The following CDH12 variants were observed in gnomAD, a reference collection of about 807,000 sequenced individuals.
CDH12 encodes the protein cadherin 12.
Under a neutral mutation model 74.1 loss-of-function variants are expected in CDH12, and 41 were observed. That is an observed-to-expected ratio of 0.55 (90% CI 0.43 to 0.72). The LOEUF (loss-of-function observed/expected upper bound fraction) is 0.72, where lower values mean the gene tolerates loss of function less well. CDH12 is among the 30% of genes least tolerant of loss of function. CDH12 has a pLI of 0.00. For synonymous variants in CDH12, 399 were observed against 355.0 expected (o/e 1.12, Z -1.39); for missense variants, 945 against 977.2 (o/e 0.97, Z 0.44).
chr5:22,788,458 A>G (rs967474865), intron 1 of CDH12, among the ~76,000 whole-genome samples: 1 of 151,082 alleles, frequency 6.6e-6, no homozygotes, highest in African/African-American at 2.4e-5. Context: ...AAAGATTATC[A>G]TTATTATAAT....
At chr5:22,543,414 A>G (rs1391661801) in intron 1 of CDH12, among the ~76,000 whole-genome samples, 1 of 152,124 alleles carries the variant, frequency 6.6e-6, no homozygotes, top group East Asian at 1.9e-4. Context: ...AACCTGGTGA[A>G]CTCAGATTTA....
chr5:21,842,422 G>T, intron 7 of CDH12, 94 bp from the exon 8 acceptor site: 1 of 848,404 alleles, frequency 1.2e-6, no homozygotes, highest in Non-Finnish European at 1.8e-6. Flanking sequence ...ATTCTACCTA[G>T]AATCACTAAC....
chr5:22,026,359 T>C (rs1360493344), intron 5 of CDH12, among the ~76,000 whole-genome samples: 1 of 152,088 alleles, frequency 6.6e-6, no homozygotes, highest in African/African-American at 2.4e-5. Context: ...AAAAAGAAAT[T>C]GGCCACAACT....
At chr5:22,766,375 C>T (rs1323659351) in intron 1 of CDH12, among the ~76,000 whole-genome samples, 4 of 151,912 alleles carry the variant, frequency 2.6e-5, no homozygotes, top group Non-Finnish European at 5.9e-5. Context: ...TAAATAAGTA[C>T]CTCAATATAA....
intron 1 of CDH12, among the ~76,000 whole-genome samples, chr5:22,660,978 A>G (rs975879448): frequency 6.6e-6 from 1 of 152,192 alleles, no homozygotes; most frequent in Non-Finnish European, 1.5e-5. Flanking sequence ...AGTTTTCATT[A>G]GATTAAGGAC....
At chr5:21,969,773 C>A (rs976124917) in intron 6 of CDH12, among the ~76,000 whole-genome samples, 25 of 152,052 alleles carry the variant, frequency 1.6e-4, no homozygotes, top group African/African-American at 6.0e-4. Context: ...TTATATACAA[C>A]CTTTATCAAA....
intron 1 of CDH12, among the ~76,000 whole-genome samples, chr5:22,825,957 T>G (rs974332084): frequency 1.3e-5 from 2 of 152,178 alleles, no homozygotes; most frequent in Non-Finnish European, 2.9e-5. Flanking sequence ...CACTAATTGA[T>G]GAATTAGTGG....
intron 6 of CDH12, among the ~76,000 whole-genome samples, chr5:21,959,632 G>A (rs576795322): frequency 1.1e-4 from 17 of 151,816 alleles, no homozygotes; most frequent in South Asian, 8.3e-4. Context: ...AGAAGGGGCC[G>A]GGAGTGGTGG....
intron 2 of CDH12, among the ~76,000 whole-genome samples, chr5:22,434,694 C>A (rs372189823): frequency 9.1e-4 from 139 of 152,196 alleles, no homozygotes; most frequent in African/African-American, 3.3e-3. Flanking sequence ...ATTATGTAAT[C>A]TTTTTCACAC....
chr5:22,425,859 T>A (rs964757843), intron 2 of CDH12, among the ~76,000 whole-genome samples: 20 of 151,998 alleles, frequency 1.3e-4, no homozygotes, highest in African/African-American at 4.4e-4. Flanking sequence ...CAGACACAGG[T>A]TCACATGTTC....
At chr5:22,472,644 A>G (rs2126608187) in intron 2 of CDH12, among the ~76,000 whole-genome samples, 1 of 152,128 alleles carries the variant, frequency 6.6e-6, no homozygotes, top group African/African-American at 2.4e-5. Flanking sequence ...AATCTATTAT[A>G]CTGTGGAATT....
At chr5:22,434,235 G>T (rs1744286533) in intron 2 of CDH12, among the ~76,000 whole-genome samples, 1 of 152,100 alleles carries the variant, frequency 6.6e-6, no homozygotes, top group African/African-American at 2.4e-5. Flanking sequence ...GGAGAATGGA[G>T]AAAAGGAAAA....
chr5:21,953,930 C>G (rs1408795720), intron 6 of CDH12, among the ~76,000 whole-genome samples: 1 of 152,034 alleles, frequency 6.6e-6, no homozygotes, highest in Non-Finnish European at 1.5e-5. Flanking sequence ...CAGACTATAT[C>G]TATGAAAAAA....
intron 1 of CDH12, among the ~76,000 whole-genome samples, chr5:22,669,291 G>GA (rs1274759570): frequency 6.6e-6 from 1 of 152,090 alleles, no homozygotes; most frequent in Non-Finnish European, 1.5e-5. Context: ...GAAGCTGAAG[G>GA]AAACACTAAC....
intron 3 of CDH12, among the ~76,000 whole-genome samples, chr5:22,223,977 G>C (rs1022025496): frequency 1.3e-5 from 2 of 152,008 alleles, no homozygotes; most frequent in Admixed American, 6.6e-5. Flanking sequence ...TTCCAGAAGA[G>C]AGGCAGGTAG....
intron 1 of CDH12, among the ~76,000 whole-genome samples, chr5:22,536,786 G>T (rs1466690639): frequency 1.3e-5 from 2 of 152,098 alleles, no homozygotes; most frequent in African/African-American, 2.4e-5. Flanking sequence ...TATTTATATT[G>T]CAGGTTAATT....
chr5:21,990,474 T>C (rs1560999812), intron 5 of CDH12, among the ~76,000 whole-genome samples: 2 of 151,994 alleles, frequency 1.3e-5, no homozygotes, highest in African/African-American at 2.4e-5. Flanking sequence ...TAGACTATAA[T>C]ATTTATATCA....
Position 21,751,942 on chromosome 5 carries a change from TC to T in CDH12, c.2179del (p.Asp727IlefsTer28). The T allele has an allele frequency of 1.2e-6, 2 of 1,614,026 alleles. No homozygotes were observed. The highest frequency in any genetic ancestry group is 1.7e-6 in the Non-Finnish European group (2 of 1,179,988). On this transcript the variant is annotated frameshift_variant, in exon 15 of 15. Coordinates refer to ENST00000382254, the MANE Select transcript of CDH12 (RefSeq NM_004061.5). LOFTEE classifies it high-confidence loss of function. ...TGAATCGTATGGTGGGGCAGTTGGA[TC>T]CACATCATTTTCCTGTAGCCTTTGA... ...IHQRLQENDV[D>X]PTAPPYDSLA...
At chr5:21,765,541 C>CAAAA (rs200367776) in intron 11 of CDH12, among the ~76,000 whole-genome samples, 2 of 83,880 alleles carry the variant, frequency 2.4e-5, no homozygotes, top group Non-Finnish European at 5.4e-5. Flanking sequence ...AGAACTATAA[C>CAAAA]AAAAAAAAAA....
Sources: gnomAD v4.1 joint callset for allele counts (sites outside exome capture counted in the v4.1 genomes callset) on GRCh38, gnomAD v4.1.1 for gene constraint, MANE v1.5 for transcripts, NCBI Gene and HGNC (gene_info 2026-07-23, HGNC 2026-07-21) for gene names.